Variants in XKR4 observed in about 807,000 individuals in gnomAD.
XKR4 encodes XK related 4.
A neutral mutation model predicts 53.9 loss-of-function variants in XKR4; 12 were observed. The ratio of observed to expected loss-of-function variants is 0.22; its 90% CI spans 0.14 to 0.36. The LOEUF is 0.36. Among genes scored for constraint, XKR4 ranks in the 10% least tolerant of loss-of-function variants. The probability of loss-of-function intolerance (pLI) is 1.00; values close to 1 mark genes in which losing one functional copy is unlikely to be tolerated. For missense variants in XKR4, 799 were observed against 859.5 expected (o/e 0.93, Z 0.88); for synonymous variants, 354 against 362.4 (o/e 0.98, Z 0.26).
At chr8:55,124,818 A>G (rs1047279245) in intron 1 of XKR4, among the ~76,000 whole-genome samples, 1 of 152,218 alleles carries the variant, frequency 6.6e-6, no homozygotes, top group Non-Finnish European at 1.5e-5. Context: ...GCCTCAAGCA[A>G]TCCTCCCACC....
At chr8:55,327,397 T>G (rs192550484) in intron 1 of XKR4, among the ~76,000 whole-genome samples, 363 of 152,096 alleles carry the variant, frequency 2.4e-3, no homozygotes, top group Non-Finnish European at 3.0e-3. Context: ...TTTTATGCTA[T>G]CCCCAAATCA....
At chr8:55,300,864 AC>A (rs1819183462) in intron 1 of XKR4, among the ~76,000 whole-genome samples, 1 of 152,052 alleles carries the variant, frequency 6.6e-6, no homozygotes, top group Non-Finnish European at 1.5e-5. Context: ...AAAGGAAGGA[AC>A]AATGAAGGCT....
rs1806876310 is a variant in XKR4 at position 55,525,894 on chromosome 8, A to G, written c.*1667A>G. ...AGATTGAAAACATTTGTCTCTTGCA[A>G]GATCACCCTACTTTGCAAGTTGGTG... On this transcript the variant is annotated 3_prime_UTR_variant, in exon 3 of 3. Coordinates refer to ENST00000327381, the MANE Select transcript of XKR4 (RefSeq NM_052898.2). 1 of 152,616 alleles carries G rather than the reference A, an allele frequency of 6.6e-6. No individual in the cohort carries two copies. Among genetic ancestry groups the G allele is most frequent in the Non-Finnish European group, 1.5e-5 (1 of 68,034 alleles). 9.5% of individuals were successfully genotyped at this position (152,616 alleles called of 1,614,324 possible). A position where few individuals can be genotyped will look rare whatever the true frequency, so the allele number is the denominator to read the frequency against.
At position 55,518,117 on chromosome 8, in the gene XKR4, C is replaced by A. The variant is rs113370540; in HGVS notation, c.1007-5164C>A. 4.1e-3 allele frequency among the ~76,000 whole-genome samples: 628 copies of A among 152,278 alleles called. 4 individuals carry two copies. Among genetic ancestry groups the A allele is most frequent in the African/African-American group, 0.014 (575 of 41,566 alleles). On this transcript the variant is annotated intron_variant, in intron 2 of 2. Coordinates refer to ENST00000327381, the MANE Select transcript of XKR4 (RefSeq NM_052898.2). ...TCGAGCACTTGGTTAATTTACTGAGCCTCTTCCATCTAGAGAATTAGGCTG... is the reference window on the plus strand; with the variant it reads ...TCGAGCACTTGGTTAATTTACTGAGACTCTTCCATCTAGAGAATTAGGCTG...
At chr8:55,463,691 GT>G (rs1805702419) in intron 2 of XKR4, among the ~76,000 whole-genome samples, 1 of 152,048 alleles carries the variant, frequency 6.6e-6, no homozygotes, top group South Asian at 2.1e-4. Context: ...CCAGGAGCTG[GT>G]TTTTTGAAAA....
In XKR4 at chr8:55,489,428, A is replaced by G. The variant is rs544417027; in HGVS notation, c.1007-33853A>G. On this transcript the variant is annotated intron_variant, in intron 2 of 2. Coordinates refer to ENST00000327381, the MANE Select transcript of XKR4 (RefSeq NM_052898.2). Reference sequence around the variant, plus strand: ...AATTTCAAGTATTTATCTGTTAAGAACAATAGTTACAACAAAAACATGGAG... The same window carrying G: ...AATTTCAAGTATTTATCTGTTAAGAGCAATAGTTACAACAAAAACATGGAG... 4.6e-5 allele frequency among the ~76,000 whole-genome samples: 7 copies of G among 152,330 alleles called. No homozygotes were observed. The South Asian group carries it at 1.2e-3, about 27-fold the overall frequency.
chr8:55,175,452 T>C (rs1478420227), intron 1 of XKR4, among the ~76,000 whole-genome samples: 1 of 152,224 alleles, frequency 6.6e-6, no homozygotes, highest in Non-Finnish European at 1.5e-5. Flanking sequence ...AAGTGAATGT[T>C]GACTAAATTT....
intron 1 of XKR4, among the ~76,000 whole-genome samples, chr8:55,165,330 C>T (rs1268973745): frequency 6.6e-6 from 1 of 151,642 alleles, no homozygotes; most frequent in Non-Finnish European, 1.5e-5. Flanking sequence ...GACCTTCATA[C>T]ATATTATGCA....
At chr8:55,347,988 T>C (rs910482121) in intron 1 of XKR4, among the ~76,000 whole-genome samples, 1 of 152,124 alleles carries the variant, frequency 6.6e-6, no homozygotes, top group Non-Finnish European at 1.5e-5. Flanking sequence ...AGGAAAACCT[T>C]AGTGAGCCCC....
At chr8:55,170,192 C>A (rs1034078423) in intron 1 of XKR4, among the ~76,000 whole-genome samples, 2 of 152,112 alleles carry the variant, frequency 1.3e-5, no homozygotes, top group Non-Finnish European at 2.9e-5. Context: ...GAATAACGGG[C>A]CCCCCAAATA....
chr8:55,170,191 GC>G (rs1279490734), intron 1 of XKR4, among the ~76,000 whole-genome samples: 1 of 152,094 alleles, frequency 6.6e-6, no homozygotes, highest in Non-Finnish European at 1.5e-5. Context: ...AGAATAACGG[GC>G]CCCCCAAATA....
chr8:55,141,695 C>T (rs1304773168), intron 1 of XKR4, among the ~76,000 whole-genome samples: 1 of 134,702 alleles, frequency 7.4e-6, no homozygotes, highest in Non-Finnish European at 1.6e-5. Flanking sequence ...GTGTGTCTCT[C>T]TCTGTGGACT....
At chr8:55,431,418 A>G (rs1352629439) in intron 2 of XKR4, among the ~76,000 whole-genome samples, 1 of 152,234 alleles carries the variant, frequency 6.6e-6, no homozygotes, top group African/African-American at 2.4e-5. Flanking sequence ...AAATGCTTTT[A>G]AATGCCAGTA....
intron 1 of XKR4, among the ~76,000 whole-genome samples, chr8:55,115,486 A>T (rs1343803382): frequency 6.6e-6 from 1 of 152,052 alleles, no homozygotes; most frequent in African/African-American, 2.4e-5. Flanking sequence ...TGAAGTCTTT[A>T]TTGAAAGTCC....
chr8:55,126,635 A>G (rs965591932), intron 1 of XKR4, among the ~76,000 whole-genome samples: 13 of 152,220 alleles, frequency 8.5e-5, no homozygotes. Flanking sequence ...CACAACCCAG[A>G]GAAGTTCCAT....
At chr8:55,246,893 T>A (rs530169759) in intron 1 of XKR4, among the ~76,000 whole-genome samples, 1 of 151,950 alleles carries the variant, frequency 6.6e-6, no homozygotes, top group East Asian at 1.9e-4. Context: ...GAGATCCCTC[T>A]TTATTCACTG....
intron 1 of XKR4, among the ~76,000 whole-genome samples, chr8:55,353,487 C>T (rs1396741978): frequency 6.6e-6 from 1 of 152,188 alleles, no homozygotes; most frequent in Non-Finnish European, 1.5e-5. Context: ...TGCTTCCTTA[C>T]AGACTTCAGG....
intron 2 of XKR4, among the ~76,000 whole-genome samples, chr8:55,405,275 G>C (rs1351220553): frequency 1.3e-5 from 2 of 152,192 alleles, no homozygotes; most frequent in Non-Finnish European, 2.9e-5. Context: ...CAAGCTGAGA[G>C]GGGCCAGAGA....
chr8:55,170,090 C>T (rs529760941), intron 1 of XKR4, among the ~76,000 whole-genome samples: 3 of 152,258 alleles, frequency 2.0e-5, no homozygotes, highest in Non-Finnish European at 4.4e-5. Context: ...TCTTTATGTA[C>T]TTCAACCAAA....
Sources: gnomAD v4.1 joint callset for allele counts (sites outside exome capture counted in the v4.1 genomes callset) on GRCh38, gnomAD v4.1.1 for gene constraint, MANE v1.5 for transcripts, NCBI Gene and HGNC (gene_info 2026-07-23, HGNC 2026-07-21) for gene names.